Variants in CTNNA3 observed in about 807,000 individuals in gnomAD.
CTNNA3 encodes catenin alpha 3, also known as catenin alpha-3.
CTNNA3 carries 76 observed loss-of-function variants against 95.7 expected under a neutral mutation model. The observed-to-expected ratio is 0.79, with a 90% CI of 0.66 to 0.96. The LOEUF (loss-of-function observed/expected upper bound fraction) is 0.96. CTNNA3 is among the 40% of genes least tolerant of loss of function. The pLI is 0.00. For synonymous variants in CTNNA3, 431 were observed against 374.4 expected, an observed-to-expected ratio of 1.15 and a Z score of -1.74; for missense variants, 1,191 against 1,089.8, an observed-to-expected ratio of 1.09 and a Z score of -1.31.
chr10:66,015,327 T>C (rs2079074288), intron 15 of CTNNA3, among the ~76,000 whole-genome samples: 1 of 152,256 alleles, frequency 6.6e-6, no homozygotes, highest in Middle Eastern at 3.4e-3. Context: ...TAGCAACAGA[T>C]AGTTCATTAA....
chr10:66,869,124 T>G (rs1844299074), intron 7 of CTNNA3, among the ~76,000 whole-genome samples: 1 of 152,192 alleles, frequency 6.6e-6, no homozygotes, highest in South Asian at 2.1e-4. Flanking sequence ...TTTTAAATAG[T>G]GTCAATTAAC....
At chr10:67,756,462 A>G (rs1341510428) in intron 1 of CTNNA3, among the ~76,000 whole-genome samples, 1 of 152,250 alleles carries the variant, frequency 6.6e-6, no homozygotes, top group Non-Finnish European at 1.5e-5. Context: ...ATGCATCAAT[A>G]AAAATAAATA....
intron 15 of CTNNA3, among the ~76,000 whole-genome samples, chr10:66,028,473 T>C (rs2079385035): frequency 6.6e-6 from 1 of 152,048 alleles, no homozygotes; most frequent in Admixed American, 6.6e-5. Context: ...GAAACCATCA[T>C]TCTCAGCAAA....
intron 7 of CTNNA3, among the ~76,000 whole-genome samples, chr10:66,941,187 CA>C (rs1276132890): frequency 6.6e-5 from 10 of 152,186 alleles, no homozygotes; most frequent in Non-Finnish European, 8.8e-5. Context: ...TGCACAGTTA[CA>C]ACAGACTTTC....
chr10:67,280,751 C>A (rs1274565367), intron 5 of CTNNA3, among the ~76,000 whole-genome samples: 2 of 152,068 alleles, frequency 1.3e-5, no homozygotes, highest in South Asian at 2.1e-4. Context: ...TCACTGGGAC[C>A]ATTTAATTTC....
chr10:67,133,284 C>A (rs984702940), intron 7 of CTNNA3, among the ~76,000 whole-genome samples: 27 of 116,340 alleles, frequency 2.3e-4, no homozygotes, highest in Admixed American at 4.6e-4. Flanking sequence ...TGTTCTATAG[C>A]CTTAGCTAGA....
At chr10:66,460,241 T>G (rs184513233) in intron 11 of CTNNA3, among the ~76,000 whole-genome samples, 1 of 152,306 alleles carries the variant, frequency 6.6e-6, no homozygotes, top group Non-Finnish European at 1.5e-5. Context: ...CCAATTGTTT[T>G]AAACAGTTTA....
intron 10 of CTNNA3, among the ~76,000 whole-genome samples, chr10:66,599,342 T>C (rs753373129): frequency 1.6e-4 from 25 of 152,074 alleles, no homozygotes; most frequent in Non-Finnish European, 2.8e-4. Context: ...GCTTGGTTCA[T>C]AGGCACAGGC....
At chr10:66,178,428 T>C (rs10822738) in intron 13 of CTNNA3, among the ~76,000 whole-genome samples, 10 of 83,714 alleles carry the variant, frequency 1.2e-4, no homozygotes, top group East Asian at 3.5e-4. Flanking sequence ...TATATATATA[T>C]ATATATATAT....
chr10:67,391,893 C>G (rs1258816472), intron 5 of CTNNA3, among the ~76,000 whole-genome samples: 1 of 151,144 alleles, frequency 6.6e-6, no homozygotes, highest in African/African-American at 2.5e-5. Flanking sequence ...ACACCTTATA[C>G]AAAAATCAAT....
chr10:67,669,473 CATA>C (rs1840392022), intron 1 of CTNNA3, among the ~76,000 whole-genome samples: 1 of 152,110 alleles, frequency 6.6e-6, no homozygotes, highest in Non-Finnish European at 1.5e-5. Flanking sequence ...GAAGAAATGT[CATA>C]ATAAGAATAG....
At position 66,400,944 on chromosome 10, in the gene CTNNA3, G is replaced by T. The variant is rs768264352; in HGVS notation, c.1532-21592C>A. On this transcript the variant is annotated intron_variant, in intron 11 of 17. Coordinates refer to ENST00000433211, the MANE Select transcript of CTNNA3 (RefSeq NM_013266.4). ...TGGTACCTACTGTCTGATAAGTACT[G>T]GGAGTATTCTGAATTGGAAAATGGG... 2.4e-4 allele frequency among the ~76,000 whole-genome samples: 37 copies of T among 152,010 alleles called. 1 individual carries two copies. The highest frequency in any genetic ancestry group is 7.4e-5 in the Non-Finnish European group (5 of 67,996).
At chr10:67,289,217 T>G (rs966860749) in intron 5 of CTNNA3, among the ~76,000 whole-genome samples, 1 of 152,170 alleles carries the variant, frequency 6.6e-6, no homozygotes, top group East Asian at 1.9e-4. Flanking sequence ...TGGAGAGTAC[T>G]GTACTATATG....
chr10:66,804,427 G>C (rs571812885), intron 7 of CTNNA3, among the ~76,000 whole-genome samples: 1 of 152,050 alleles, frequency 6.6e-6, no homozygotes, highest in East Asian at 1.9e-4. Context: ...AAAACTCTCT[G>C]TTCTGCTTTC....
intron 12 of CTNNA3, among the ~76,000 whole-genome samples, chr10:66,336,473 A>G (rs1285276457): frequency 2.0e-5 from 3 of 152,062 alleles, no homozygotes; most frequent in Admixed American, 1.3e-4. Context: ...TTGCTTATGT[A>G]AAAAGAATTG....
intron 15 of CTNNA3, among the ~76,000 whole-genome samples, chr10:66,006,744 A>G (rs560225881): frequency 3.1e-4 from 47 of 152,224 alleles, no homozygotes; most frequent in South Asian, 2.1e-3. Flanking sequence ...ATCGCATTCA[A>G]TTTAGGAAAA....
intron 15 of CTNNA3, among the ~76,000 whole-genome samples, chr10:65,998,198 G>A (rs1375155385): frequency 2.0e-5 from 3 of 152,112 alleles, no homozygotes; most frequent in Admixed American, 2.0e-4. Flanking sequence ...TCCGGAGTGA[G>A]TGACCATTTT....
intron 5 of CTNNA3, among the ~76,000 whole-genome samples, chr10:67,279,179 T>C (rs1255128834): frequency 2.0e-5 from 3 of 151,738 alleles, no homozygotes; most frequent in Admixed American, 6.6e-5. Context: ...AAACCTAGAG[T>C]CTAAGCAACA....
intron 10 of CTNNA3, among the ~76,000 whole-genome samples, chr10:66,536,747 G>A (rs1841673519): frequency 6.6e-6 from 1 of 152,032 alleles, no homozygotes; most frequent in African/African-American, 2.4e-5. Flanking sequence ...GAAAAAAATG[G>A]ATGATAGAGT....
Sources: allele counts gnomAD v4.1 joint callset (sites outside exome capture counted in the v4.1 genomes callset), GRCh38; gene constraint gnomAD v4.1.1; transcripts MANE v1.5; gene names NCBI Gene and HGNC (gene_info 2026-07-23, HGNC 2026-07-21).